Variants in EYS observed in about 807,000 individuals in gnomAD.
EYS encodes the protein EGF-like photoreceptor maintenance factor.
In EYS, 250 loss-of-function variants were observed where a neutral mutation model predicts 282.1. The observed-to-expected ratio is 0.89, with a 90% CI of 0.80 to 0.98. The LOEUF (loss-of-function observed/expected upper bound fraction) is 0.98, where lower values mean the gene tolerates loss of function less well. Ranked by LOEUF, EYS falls within the 50% of genes least tolerant of loss-of-function variation. The pLI is 0.00. For missense variants in EYS, 4,016 were observed against 3,709.0 expected (o/e 1.08, Z -2.15); for synonymous variants, 1,355 against 1,282.9 (o/e 1.06, Z -1.20).
Position 65,398,355 on chromosome 6 carries a change from C to T in EYS, c.1184+4123G>A, listed in dbSNP as rs184346734. 8.4e-4 allele frequency among the ~76,000 whole-genome samples: 127 copies of T among 151,726 alleles called. 1 individual carries two copies. The highest frequency in any genetic ancestry group is 3.0e-3 in the African/African-American group (123 of 41,422). ...ACAAATTGATCTTTGAAAAAGTCAACAAAAATATACATTGGGGAAAGAACA... is the reference window on the plus strand; with the variant it reads ...ACAAATTGATCTTTGAAAAAGTCAATAAAAATATACATTGGGGAAAGAACA... On this transcript the variant is annotated intron_variant, in intron 7 of 42. Coordinates refer to ENST00000503581, the MANE Select transcript of EYS (RefSeq NM_001142800.2).
intron 5 of EYS, among the ~76,000 whole-genome samples, chr6:65,453,758 G>A (rs1252618795): frequency 2.0e-5 from 3 of 151,702 alleles, no homozygotes; most frequent in Non-Finnish European, 4.4e-5. Context: ...TAGATACCAG[G>A]TATGAGTGAG....
intron 1 of EYS, among the ~76,000 whole-genome samples, chr6:65,681,338 T>C (rs964446341): frequency 3.9e-5 from 6 of 152,004 alleles, no homozygotes; most frequent in Non-Finnish European, 8.8e-5. Flanking sequence ...CTTTGGAGAT[T>C]CTAAGGATTT....
intron 26 of EYS, among the ~76,000 whole-genome samples, chr6:64,442,623 T>C (rs1000711767): frequency 1.3e-5 from 2 of 152,154 alleles, no homozygotes; most frequent in Non-Finnish European, 2.9e-5. Context: ...TTCCGCTGTG[T>C]GCAGTCTAGG....
chr6:64,253,065 G>T (rs1256350348), intron 30 of EYS, among the ~76,000 whole-genome samples: 1 of 152,028 alleles, frequency 6.6e-6, no homozygotes, highest in Non-Finnish European at 1.5e-5. Context: ...TTATGTCAAT[G>T]CTTTTAACTA....
chr6:64,374,088 T>A (rs923111830), intron 29 of EYS, among the ~76,000 whole-genome samples: 2 of 150,308 alleles, frequency 1.3e-5, no homozygotes, highest in African/African-American at 4.9e-5. Flanking sequence ...TGGCTACTAG[T>A]GGCGGGGCAG....
chr6:63,993,353 AG>A lies in EYS; in HGVS notation c.6834+5721del, dbSNP rs199868515. 1.6e-3 allele frequency among the ~76,000 whole-genome samples: 247 copies of A among 151,898 alleles called. 2 individuals are homozygous for A. The East Asian group carries it at 0.036, about 22-fold the overall frequency. On this transcript the variant is annotated intron_variant, in intron 34 of 42. Transcript: ENST00000503581. The stretch of plus-strand genomic sequence containing the variant: ...AAAAGGAACAAAATGCATCCAAATA[AG>A]AAATAAAGAAGTAAAATTATTTTTT...
chr6:64,279,567 C>T (rs757969195), intron 30 of EYS, among the ~76,000 whole-genome samples: 1 of 152,132 alleles, frequency 6.6e-6, no homozygotes, highest in Non-Finnish European at 1.5e-5. Context: ...GCTTCATTTC[C>T]TACGTCTTGG....
intron 24 of EYS, among the ~76,000 whole-genome samples, chr6:64,603,861 C>CTGTGTGTGTGTGTGTGTG (rs34430318): frequency 3.2e-4 from 47 of 148,286 alleles, no homozygotes; most frequent in African/African-American, 1.1e-3. Flanking sequence ...AAATGAATAC[C>CTGTGTGTGTGTGTGTGTG]TGTGTGTGTG....
intron 31 of EYS, among the ~76,000 whole-genome samples, chr6:64,180,127 A>G (rs1255395862): frequency 6.6e-6 from 1 of 152,158 alleles, no homozygotes; most frequent in Non-Finnish European, 1.5e-5. Flanking sequence ...ATATATTAAA[A>G]TACTGAGAAT....
intron 11 of EYS, among the ~76,000 whole-genome samples, chr6:65,315,440 C>T (rs1455785840): frequency 7.2e-5 from 11 of 152,078 alleles, no homozygotes. Flanking sequence ...TGTCTCCTCC[C>T]CATCACTACT....
chr6:65,393,228 T>C (rs1003441162), intron 7 of EYS, among the ~76,000 whole-genome samples: 1 of 152,102 alleles, frequency 6.6e-6, no homozygotes, highest in South Asian at 2.1e-4. Flanking sequence ...TGCTAGATGA[T>C]GAGTTAGTGG....
At chr6:65,136,852 T>C (rs1481334894) in intron 12 of EYS, among the ~76,000 whole-genome samples, 1 of 151,970 alleles carries the variant, frequency 6.6e-6, no homozygotes, top group African/African-American at 2.4e-5. Context: ...TGGCTAATTT[T>C]TGTATTTTTT....
intron 31 of EYS, among the ~76,000 whole-genome samples, chr6:64,106,854 T>C (rs1773030246): frequency 1.3e-5 from 2 of 152,036 alleles, no homozygotes; most frequent in Non-Finnish European, 2.9e-5. Context: ...GGGTATTCTG[T>C]TCTTTTTTCC....
intron 26 of EYS, among the ~76,000 whole-genome samples, chr6:64,512,108 CACAT>C (rs1337413816): frequency 1.3e-5 from 2 of 151,972 alleles, no homozygotes; most frequent in Non-Finnish European, 1.5e-5. Flanking sequence ...CATTTATGCA[CACAT>C]ACATACATGC....
At chr6:65,134,845 T>A (rs1376718427) in intron 12 of EYS, among the ~76,000 whole-genome samples, 4 of 152,070 alleles carry the variant, frequency 2.6e-5, no homozygotes, top group Non-Finnish European at 4.4e-5. Context: ...ATACATATCA[T>A]AATATTTTGG....
intron 12 of EYS, among the ~76,000 whole-genome samples, chr6:65,192,485 G>A (rs540186896): frequency 1.3e-5 from 2 of 151,672 alleles, no homozygotes; most frequent in East Asian, 3.9e-4. Context: ...TTACAAAAAA[G>A]GCTAAGTTCA....
chr6:65,475,571 T>C (rs981093145), intron 5 of EYS, among the ~76,000 whole-genome samples: 3 of 152,068 alleles, frequency 2.0e-5, no homozygotes, highest in African/African-American at 7.2e-5. Context: ...TATGAAAAAA[T>C]TCTGAAAAGT....
Position 64,945,836 on chromosome 6 carries a change from A to G in EYS, c.2338T>C (p.Cys780Arg), listed in dbSNP as rs1462375458. Reference protein sequence around the residue: ...QESNECKMNPCKNNSTCTDLY... With the variant: ...QESNECKMNPRKNNSTCTDLY... ...TCAGTACAGGTGGAATTGTTCTTGC[A>G]AGGATTCATTTTACACTCATTGGAT... Residue 780 changes from cysteine (C) to arginine (R), a missense_variant, in exon 15 of 43, where the codon TGC (cysteine) becomes CGC (arginine). Cys to Arg is a radical substitution (Grantham distance 180). Coordinates refer to ENST00000503581, the MANE Select transcript of EYS (RefSeq NM_001142800.2). The G allele has an allele frequency of 1.3e-6, 2 of 1,549,926 alleles. No homozygotes were observed. The highest frequency in any genetic ancestry group is 1.7e-6 in the Non-Finnish European group (2 of 1,145,930).
intron 8 of EYS, among the ~76,000 whole-genome samples, chr6:65,361,805 T>G (rs1218877888): frequency 2.0e-5 from 3 of 152,064 alleles, no homozygotes; most frequent in Non-Finnish European, 4.4e-5. Context: ...TAGACTACAG[T>G]GATTCATTAT....
Sources: allele counts gnomAD v4.1 joint callset (sites outside exome capture counted in the v4.1 genomes callset), GRCh38; gene constraint gnomAD v4.1.1; transcripts MANE v1.5; gene names NCBI Gene and HGNC (gene_info 2026-07-23, HGNC 2026-07-21).